Variants in SBF2 observed in about 807,000 individuals in gnomAD.
SBF2 encodes myotubularin-related protein 13.
In SBF2, 112 loss-of-function variants were observed where a neutral mutation model predicts 225.2. The observed-to-expected ratio is 0.50, with a 90% CI of 0.43 to 0.58. The LOEUF (loss-of-function observed/expected upper bound fraction) is 0.58. Among genes scored for constraint, SBF2 ranks in the 20% least tolerant of loss-of-function variants. The probability of loss-of-function intolerance (pLI) is 0.00; values close to 1 mark genes in which losing one functional copy is unlikely to be tolerated. For missense variants in SBF2, 1,996 were observed against 2,206.2 expected, an observed-to-expected ratio of 0.90 and a Z score of 1.91; for synonymous variants, 763 against 773.3, an observed-to-expected ratio of 0.99 and a Z score of 0.22.
chr11:10,154,263 AT>A (rs1955361174), intron 2 of SBF2, among the ~76,000 whole-genome samples: 1 of 152,106 alleles, frequency 6.6e-6, no homozygotes, highest in South Asian at 2.1e-4. Flanking sequence ...GAAATCCTTA[AT>A]TAGTTTTAGT....
chr11:9,932,452 C>A (rs61876946), intron 16 of SBF2, among the ~76,000 whole-genome samples: 31,490 of 152,110 alleles, frequency 0.21, 4,048 homozygotes, highest in Non-Finnish European at 0.3. Flanking sequence ...ACCCTACAAG[C>A]CGGAAGAGAG....
At chr11:9,929,150 A>G (rs905382670) in intron 16 of SBF2, 8 of 241,904 alleles carry the variant, frequency 3.3e-5, no homozygotes, top group Non-Finnish European at 5.6e-5. Context: ...TTACAACTAC[A>G]CGAGAAGGTG....
intron 1 of SBF2, among the ~76,000 whole-genome samples, chr11:10,249,544 T>A (rs1389153593): frequency 6.6e-6 from 1 of 152,154 alleles, no homozygotes; most frequent in Non-Finnish European, 1.5e-5. Context: ...TTTTTAAAAA[T>A]TTTTGTCTCA....
intron 2 of SBF2, among the ~76,000 whole-genome samples, chr11:10,193,685 G>A (rs1650817305): frequency 6.6e-6 from 1 of 151,998 alleles, no homozygotes; most frequent in Admixed American, 6.6e-5. Flanking sequence ...AAATTTAAAT[G>A]AGAAAAAGAA....
chr11:10,161,505 T>C lies in SBF2; in HGVS notation c.141+32397A>G, dbSNP rs147011357. Among the ~76,000 whole-genome samples the C allele has an allele frequency of 2.6e-3, 395 of 152,308 alleles. 2 individuals are homozygous for C. The highest frequency in any genetic ancestry group is 7.9e-3 in the African/African-American group (328 of 41,560). The stretch of plus-strand genomic sequence containing the variant: ...GTTAAGAACTCTCCATATTGGATAA[T>C]ATGGGAGAGACGGCTGGCTGTTCAC... On this transcript the variant is annotated intron_variant, in intron 2 of 39. Coordinates refer to ENST00000256190, the MANE Select transcript of SBF2 (RefSeq NM_030962.4).
At chr11:9,835,064 G>A (rs919727065) in intron 26 of SBF2, among the ~76,000 whole-genome samples, 3 of 152,154 alleles carry the variant, frequency 2.0e-5, no homozygotes, top group East Asian at 1.9e-4. Flanking sequence ...GTCTCATTTC[G>A]TAATGAAAGA....
At chr11:10,202,934 G>C (rs968132665) in intron 1 of SBF2, among the ~76,000 whole-genome samples, 3 of 152,000 alleles carry the variant, frequency 2.0e-5, no homozygotes, top group African/African-American at 7.3e-5. Flanking sequence ...CTGACATCAG[G>C]CAATAGAGGA....
intron 17 of SBF2, among the ~76,000 whole-genome samples, chr11:9,874,174 T>C (rs1405771023): frequency 6.6e-6 from 1 of 152,154 alleles, no homozygotes; most frequent in Non-Finnish European, 1.5e-5. Flanking sequence ...AAAGAGAATC[T>C]AGAAAAAAAC....
At chr11:9,919,574 G>A (rs1366679737) in intron 16 of SBF2, among the ~76,000 whole-genome samples, 5 of 152,142 alleles carry the variant, frequency 3.3e-5, no homozygotes, top group South Asian at 2.1e-4. Flanking sequence ...TAATTAGGTC[G>A]TAACAAAACA....
At chr11:10,292,861 T>G (rs1964255716) in intron 1 of SBF2, among the ~76,000 whole-genome samples, 2 of 152,100 alleles carry the variant, frequency 1.3e-5, no homozygotes, top group Non-Finnish European at 2.9e-5. Flanking sequence ...ATTTAAACTT[T>G]CTCTTTAACA....
intron 1 of SBF2, among the ~76,000 whole-genome samples, chr11:10,214,934 A>G (rs556097923): frequency 1.4e-4 from 22 of 152,296 alleles, no homozygotes; most frequent in Admixed American, 1.4e-3. Context: ...AAAAGTAGAG[A>G]GGCAGGGTCC....
At chr11:9,806,989 C>G (rs1275762325) in intron 32 of SBF2, among the ~76,000 whole-genome samples, 1 of 152,142 alleles carries the variant, frequency 6.6e-6, no homozygotes, top group Non-Finnish European at 1.5e-5. Context: ...TAAAACATAA[C>G]CACATACTAA....
At chr11:9,795,514 C>T (rs932941946) in intron 33 of SBF2, among the ~76,000 whole-genome samples, 5 of 152,192 alleles carry the variant, frequency 3.3e-5, no homozygotes, top group African/African-American at 4.8e-5. Flanking sequence ...AGGGCAGGCA[C>T]CCTTCCTACC....
intron 1 of SBF2, among the ~76,000 whole-genome samples, chr11:10,243,667 T>C (rs1454981453): frequency 2.6e-5 from 4 of 152,050 alleles, no homozygotes; most frequent in African/African-American, 9.7e-5. Context: ...AAAAGACGAT[T>C]GTGTACAATT....
chr11:10,191,522 A>G (rs1187592361), intron 2 of SBF2, among the ~76,000 whole-genome samples: 1 of 152,222 alleles, frequency 6.6e-6, no homozygotes, highest in African/African-American at 2.4e-5. Flanking sequence ...ATTATGGAAA[A>G]AGGAAAAGGA....
chr11:9,862,074 A>G (rs1857798102), intron 17 of SBF2, among the ~76,000 whole-genome samples: 1 of 152,244 alleles, frequency 6.6e-6, no homozygotes, highest in African/African-American at 2.4e-5. Context: ...CATCTGTGAT[A>G]GTGGCAGTAG....
At chr11:9,784,492 G>A (rs1252362390) in intron 37 of SBF2, 54 bp from the exon 38 acceptor site, 5 of 1,324,888 alleles carry the variant, frequency 3.8e-6, no homozygotes, top group East Asian at 4.6e-5. Flanking sequence ...ACAAAATGCT[G>A]TAAAGGGGAG....
At chr11:9,939,919 C>T (rs1865149697) in intron 16 of SBF2, among the ~76,000 whole-genome samples, 1 of 152,180 alleles carries the variant, frequency 6.6e-6, no homozygotes, top group African/African-American at 2.4e-5. Flanking sequence ...GTGGAAATGT[C>T]AAGAGTGATG....
chr11:9,990,589 T>C (rs1038630068), intron 12 of SBF2, among the ~76,000 whole-genome samples: 2 of 152,168 alleles, frequency 1.3e-5, no homozygotes, highest in Non-Finnish European at 2.9e-5. Flanking sequence ...TACATACATA[T>C]GATTAGCTGG....
Sources: allele counts gnomAD v4.1 joint callset (sites outside exome capture counted in the v4.1 genomes callset), GRCh38; gene constraint gnomAD v4.1.1; transcripts MANE v1.5; gene names NCBI Gene and HGNC (gene_info 2026-07-23, HGNC 2026-07-21).